Variants in CDKN2A observed in about 807,000 individuals in gnomAD.
The protein encoded by CDKN2A is cyclin dependent kinase inhibitor 2A.
CDKN2A carries 3 observed loss-of-function variants against 11.1 expected under a neutral mutation model. The ratio of observed to expected loss-of-function variants is 0.27; its 90% CI spans 0.12 to 0.70. The LOEUF (loss-of-function observed/expected upper bound fraction) is 0.70. Among genes scored for constraint, CDKN2A ranks in the 30% least tolerant of loss-of-function variants. The pLI, the probability that CDKN2A is intolerant of heterozygous loss-of-function variation, is 0.77. For synonymous variants in CDKN2A, 122 were observed against 108.1 expected (o/e 1.13, Z -0.80); for missense variants, 265 against 233.6 (o/e 1.13, Z -0.88).
At chr9:21,994,564 G>A in intron 1 of CDKN2A, 1 of 1,074,824 alleles carries the variant, frequency 9.3e-7, no homozygotes. Context: ...ATCTCGGAAC[G>A]GCTCTGAGCC....
Position 21,991,795 on chromosome 9 carries a change from C to T in CDKN2A, c.-4+2087G>A, listed in dbSNP as rs1238850897. On this transcript the variant is annotated intron_variant, in intron 2 of 3. Coordinates refer to the CDKN2A transcript ENST00000494262. The surrounding 1 kb of genome is among the most constrained non-coding windows in gnomAD (Gnocchi z 5.2). Reference sequence around the variant, plus strand: ...GTAAAATGAATATAAGTCTTGATTTCTGAAAGGGCTATGGTTCACTTGGAA... The same window carrying T: ...GTAAAATGAATATAAGTCTTGATTTTTGAAAGGGCTATGGTTCACTTGGAA... 2.0e-6 allele frequency: 2 copies of T among 985,086 alleles called. No homozygotes were observed. Among genetic ancestry groups the T allele is most frequent in the Non-Finnish European group, 2.4e-6 (2 of 829,810 alleles). The allele number at this position is 985,086 out of a possible 1,614,324, so 61.0% of individuals were successfully genotyped here. A position where few individuals can be genotyped will look rare whatever the true frequency, so the allele number is the denominator to read the frequency against.
At chr9:21,978,572 G>C (rs147170723), upstream of CDKN2A, among the ~76,000 whole-genome samples, 47 of 152,186 alleles carry the variant, frequency 3.1e-4, 1 homozygote, top group East Asian at 8.9e-3. Flanking sequence ...AAAGTTTGTT[G>C]GTTATTGTTA....
chr9:21,990,739 C>G (rs1398127861), intron 2 of CDKN2A, among the ~76,000 whole-genome samples: 1 of 151,350 alleles, frequency 6.6e-6, no homozygotes, highest in East Asian at 2.0e-4. Flanking sequence ...CTTCAGATAC[C>G]TGATGATCCA....
chr9:21,990,523 A>G (rs1312030748), intron 2 of CDKN2A, among the ~76,000 whole-genome samples: 3 of 151,988 alleles, frequency 2.0e-5, no homozygotes, highest in Non-Finnish European at 4.4e-5. Context: ...GCACTTTGGA[A>G]AACTCAAAAG....
chr9:21,980,210 CTT>C (rs1346464597), intron 2 of CDKN2A, among the ~76,000 whole-genome samples: 4 of 152,168 alleles, frequency 2.6e-5, no homozygotes, highest in African/African-American at 9.7e-5. Flanking sequence ...TGGGCTCTCT[CTT>C]GTTCTATTGT....
At position 21,971,151 on chromosome 9, in the gene CDKN2A, G is replaced by T. The variant is rs1819718265; in HGVS notation, c.208C>A (p.Pro70Thr). The T allele has an allele frequency of 2.5e-6, 4 of 1,594,182 alleles. No homozygotes were observed. The highest frequency in any genetic ancestry group is 3.4e-6 in the Non-Finnish European group (4 of 1,176,728). Reference sequence around the variant, plus strand: ...AGAGTGGCGGGGTCGGCGCAGTTGGGCTCCGCGCCGTGGAGCAGCAGCAGC... The same window carrying T: ...AGAGTGGCGGGGTCGGCGCAGTTGGTCTCCGCGCCGTGGAGCAGCAGCAGC... ...AELLLLHGAEPNCADPATLTR... is the reference protein window; with the variant it reads ...AELLLLHGAETNCADPATLTR... The change falls in exon 2 of 3, where the codon CCC (proline) becomes ACC (threonine). Residue 70 changes from proline (P) to threonine (T), a missense_variant. By Grantham distance (38) the Pro-to-Thr change is conservative. Coordinates refer to ENST00000304494, the MANE Select transcript of CDKN2A (RefSeq NM_000077.5).
intron 2 of CDKN2A, among the ~76,000 whole-genome samples, chr9:21,987,639 A>G (rs1053060403): frequency 6.6e-6 from 1 of 152,140 alleles, no homozygotes; most frequent in African/African-American, 2.4e-5. Flanking sequence ...TCTACAAGAC[A>G]TTCTTTTCCA....
In CDKN2A at chr9:21,971,940, C is replaced by G. The variant is rs1031149053; in HGVS notation, c.151-732G>C. ...ATTCATCATGCTATGAAACACATCT[C>G]AAAAAAAACAATCAAACTTATTCCT... On this transcript the variant is annotated intron_variant, in intron 1 of 2. Transcript: ENST00000304494. Among the ~76,000 whole-genome samples, 5 of 151,656 alleles carry G rather than the reference C, an allele frequency of 3.3e-5. No individual in the cohort carries two copies. The East Asian group carries it at 9.7e-4, about 29-fold the overall frequency.
upstream of CDKN2A, among the ~76,000 whole-genome samples, chr9:21,978,685 A>G (rs1820098946): frequency 2.6e-5 from 4 of 152,172 alleles, 1 homozygote. Flanking sequence ...TGAAATTTAA[A>G]CCTGTCTTAA....
intron 2 of CDKN2A, among the ~76,000 whole-genome samples, chr9:21,985,377 C>T (rs1244265180): frequency 3.3e-5 from 5 of 151,930 alleles, no homozygotes; most frequent in Non-Finnish European, 5.9e-5. Context: ...GGTCACCCTC[C>T]AAGGTAGGCA....
At position 21,974,520 on chromosome 9, in the gene CDKN2A, G is replaced by A. The variant is rs539257071; in HGVS notation, c.150+158C>T. ...TTCCCAAGCCCCCAGGGCGTCGCCA[G>A]GAGGAGGTCTGTGATTACAAACCCC... On this transcript the variant is annotated intron_variant, in intron 1 of 2. Transcript: ENST00000304494. The surrounding 1 kb of genome is among the most constrained non-coding windows in gnomAD (Gnocchi z 5.2). 2 of 1,613,226 alleles carry A rather than the reference G, an allele frequency of 1.2e-6. No individual in the cohort carries two copies. The highest frequency in any genetic ancestry group is 2.7e-5 in the African/African-American group (2 of 75,078).
At chr9:21,970,220 G>A (rs913748202) in intron 2 of CDKN2A, 2 of 239,330 alleles carry the variant, frequency 8.4e-6, no homozygotes, top group Admixed American at 1.1e-4. Context: ...CAAGGGCAAG[G>A]AGGACCATAA....
exon 2 of CDKN2A, chr9:21,994,049 C>T: frequency 7.0e-7 from 1 of 1,434,392 alleles, no homozygotes; most frequent in East Asian, 2.4e-5. Context: ...TCCTCCTAGC[C>T]TGGGCTAGAG....
rs1820355013 is a variant in CDKN2A at position 21,988,562 on chromosome 9, A to G, written c.-4+5320T>C. Among the ~76,000 whole-genome samples, 1 of 152,152 alleles carries G rather than the reference A, an allele frequency of 6.6e-6. No individual in the cohort carries two copies. The highest frequency in any genetic ancestry group is 1.5e-5 in the Non-Finnish European group (1 of 68,032). On this transcript the variant is annotated intron_variant, in intron 2 of 3. Coordinates refer to the CDKN2A transcript ENST00000494262. The surrounding 1 kb of genome is among the most constrained non-coding windows in gnomAD (Gnocchi z 4.1). ...TTTTTAAAAAACAAATGCTAATTGGACATAAATATGAGAACAATAGACATT... is the reference window on the plus strand; with the variant it reads ...TTTTTAAAAAACAAATGCTAATTGGGCATAAATATGAGAACAATAGACATT...
rs1231900408 is a variant in CDKN2A at position 21,974,596 on chromosome 9, T to A, written c.150+82A>T. On this transcript the variant is annotated intron_variant, in intron 1 of 2. Transcript: ENST00000304494. This position sits in a 1 kb window ranked among gnomAD's most constrained non-coding sequence, Gnocchi z 5.2. Reference sequence around the variant, plus strand: ...CCCTTTTTCCGGAGAATCGAAGCGCTACCTGATTCCAATTCCCCTGCAAAC... The same window carrying A: ...CCCTTTTTCCGGAGAATCGAAGCGCAACCTGATTCCAATTCCCCTGCAAAC... 1.9e-6 allele frequency: 3 copies of A among 1,614,028 alleles called. No homozygotes were observed. The highest frequency in any genetic ancestry group is 2.5e-6 in the Non-Finnish European group (3 of 1,180,018).
chr9:21,975,135 C>T, upstream of CDKN2A: 1 of 1,225,078 alleles, frequency 8.2e-7, no homozygotes, highest in Non-Finnish European at 1.0e-6. Context: ...CAGCCCTCGC[C>T]AGAGCCAGCG....
rs973995107 is a variant in CDKN2A at position 21,968,009 on chromosome 9, T to G, written c.*220A>C. On this transcript the variant is annotated 3_prime_UTR_variant, in exon 3 of 3. Transcript: ENST00000304494. The surrounding 1 kb of genome is among the most constrained non-coding windows in gnomAD (Gnocchi z 4.7). ...GAAGCGGTGTTTTTCTTTTTTACAT[T>G]TTTATAAGAATATATAAAAAATGAT... 8.9e-6 allele frequency: 5 copies of G among 563,072 alleles called. No homozygotes were observed. The highest frequency in any genetic ancestry group is 7.5e-5 in the African/African-American group (4 of 53,404). The allele number at this position is 563,072 out of a possible 1,614,324, so 34.9% of individuals were successfully genotyped here. A position where few individuals can be genotyped will look rare whatever the true frequency, so the allele number is the denominator to read the frequency against.
rs1197347107 is a variant in CDKN2A at position 21,991,629 on chromosome 9, G to GCTTA, written c.-4+2249_-4+2252dup. On this transcript the variant is annotated intron_variant, in intron 2 of 3. Coordinates refer to the CDKN2A transcript ENST00000494262. The surrounding 1 kb of genome is among the most constrained non-coding windows in gnomAD (Gnocchi z 5.2). ...TTTCATATGTTGGGAAAATGGTTTA[G>GCTTA]CTTAACTCTATCATGGTAGTTGATA... 6.1e-6 allele frequency: 6 copies of GCTTA among 982,574 alleles called. No homozygotes were observed. In the East Asian group the frequency reaches 4.5e-4, roughly 74 times the overall value. The allele number at this position is 982,574 out of a possible 1,614,324, so 60.9% of individuals were successfully genotyped here. A position where few individuals can be genotyped will look rare whatever the true frequency, so the allele number is the denominator to read the frequency against.
In CDKN2A at chr9:21,968,000, T is replaced by C; in HGVS notation, c.*229A>G. Reference sequence around the variant, plus strand: ...GAAAAGGCAGAAGCGGTGTTTTTCTTTTTTACATTTTTATAAGAATATATA... The same window carrying C: ...GAAAAGGCAGAAGCGGTGTTTTTCTCTTTTACATTTTTATAAGAATATATA... On this transcript the variant is annotated 3_prime_UTR_variant, in exon 3 of 3. Transcript: ENST00000304494. The C allele has an allele frequency of 1.8e-6, 1 of 553,904 alleles. No homozygotes were observed. The highest frequency in any genetic ancestry group is 2.9e-5 in the East Asian group (1 of 34,728). 34.3% of individuals were successfully genotyped at this position (553,904 alleles called of 1,614,324 possible).
Sources: allele counts gnomAD v4.1 joint callset (sites outside exome capture counted in the v4.1 genomes callset), GRCh38; gene constraint gnomAD v4.1.1; non-coding constraint Gnocchi (gnomAD v3.1); transcripts MANE v1.5; gene names NCBI Gene and HGNC (gene_info 2026-07-23, HGNC 2026-07-21).